Variants in DIAPH2 observed in about 807,000 individuals in gnomAD.
DIAPH2 encodes diaphanous related formin 2.
In DIAPH2, 35 loss-of-function variants were observed where a neutral mutation model predicts 92.7. The observed-to-expected ratio is 0.38, with a 90% CI of 0.29 to 0.50. The LOEUF (loss-of-function observed/expected upper bound fraction) is 0.50. DIAPH2 is among the 20% of genes least tolerant of loss of function. DIAPH2 has a pLI of 0.94. For missense variants in DIAPH2, 701 were observed against 819.5 expected (o/e 0.86, Z 1.77); for synonymous variants, 301 against 280.4 (o/e 1.07, Z -0.73).
chrX:96,751,844 A>G (rs1321383000), intron 3 of DIAPH2, among the ~76,000 whole-genome samples: 31 of 96,602 alleles, frequency 3.2e-4, no homozygotes, highest in African/African-American at 5.0e-4. Context: ...TAGTAGAGAC[A>G]GGGTTTCACC....
chrX:97,275,585 C>G (rs1481638278), intron 23 of DIAPH2, among the ~76,000 whole-genome samples: 2 of 106,861 alleles, frequency 1.9e-5, no homozygotes, highest in African/African-American at 6.8e-5. Context: ...GGCAGAGGGG[C>G]TCCTCACTTC....
chrX:97,196,669 T>A (rs1468331082), intron 22 of DIAPH2, among the ~76,000 whole-genome samples: 1 of 112,323 alleles, frequency 8.9e-6, no homozygotes, highest in African/African-American at 3.2e-5. Flanking sequence ...GAGCCAGGTA[T>A]CACTGTATAG....
chrX:97,452,826 G>C (rs1332138667), intron 26 of DIAPH2, among the ~76,000 whole-genome samples: 2 of 112,237 alleles, frequency 1.8e-5, no homozygotes, highest in African/African-American at 6.5e-5. Context: ...CGTCAGTAAA[G>C]ATTTCTAGAA....
chrX:96,739,493 A>G (rs1332535448), intron 3 of DIAPH2, among the ~76,000 whole-genome samples: 1 of 111,543 alleles, frequency 9.0e-6, no homozygotes, highest in Non-Finnish European at 1.9e-5. Flanking sequence ...TGTCCACAGG[A>G]GTTTCAAAGG....
chrX:97,305,383 C>T (rs1459642435), intron 23 of DIAPH2, among the ~76,000 whole-genome samples: 2 of 110,705 alleles, frequency 1.8e-5, no homozygotes, highest in South Asian at 3.9e-4. Flanking sequence ...ATCCCAGCTA[C>T]TTAGGAAGCT....
chrX:96,928,233 T>C (rs1451081461), intron 9 of DIAPH2, among the ~76,000 whole-genome samples: 1 of 111,334 alleles, frequency 9.0e-6, no homozygotes, highest in Non-Finnish European at 1.9e-5. Flanking sequence ...ACAGTAATAC[T>C]AATCTTGTGT....
intron 26 of DIAPH2, among the ~76,000 whole-genome samples, chrX:97,482,358 G>A (rs984997230): frequency 4.4e-5 from 5 of 112,579 alleles, no homozygotes; most frequent in Admixed American, 9.4e-5. Context: ...TAAACAGCCC[G>A]AATGAATAAG....
chrX:97,135,689 T>C (rs187708324), intron 21 of DIAPH2, among the ~76,000 whole-genome samples: 40 of 111,548 alleles, frequency 3.6e-4, no homozygotes, highest in African/African-American at 1.1e-3. Flanking sequence ...CCAACACCTA[T>C]TGAGTGTGGG....
intron 22 of DIAPH2, among the ~76,000 whole-genome samples, chrX:97,214,098 G>T (rs2067862554): frequency 8.9e-6 from 1 of 111,912 alleles, no homozygotes; most frequent in South Asian, 3.7e-4. Context: ...ATATACTAGG[G>T]AGTAGCTAGT....
At chrX:96,763,535 A>C (rs1036219136) in intron 4 of DIAPH2, among the ~76,000 whole-genome samples, 3 of 111,572 alleles carry the variant, frequency 2.7e-5, no homozygotes, top group Non-Finnish European at 5.7e-5. Flanking sequence ...AGTAATGAAA[A>C]CAACCCTTTC....
chrX:97,533,204 G>A (rs1250034729), intron 26 of DIAPH2: 1 of 111,101 alleles, frequency 9.0e-6, no homozygotes, highest in Non-Finnish European at 1.9e-5. Flanking sequence ...GATTATTCTT[G>A]TAGGTAACAA....
At chrX:97,415,915 C>T (rs2069941160) in intron 25 of DIAPH2, among the ~76,000 whole-genome samples, 2 of 111,451 alleles carry the variant, frequency 1.8e-5, no homozygotes, top group Admixed American at 9.6e-5. Flanking sequence ...GAACTAGAAG[C>T]TTTGAAACTG....
intron 15 of DIAPH2, among the ~76,000 whole-genome samples, chrX:96,955,966 G>T: frequency 8.9e-6 from 1 of 112,585 alleles, no homozygotes; most frequent in East Asian, 2.8e-4. Context: ...TCTTCTCACA[G>T]CTCCACTAGG....
At chrX:96,869,990 T>C (rs935585840) in intron 4 of DIAPH2, among the ~76,000 whole-genome samples, 1 of 110,766 alleles carries the variant, frequency 9.0e-6, no homozygotes, top group Non-Finnish European at 1.9e-5. Flanking sequence ...TTTCCCTTTT[T>C]GTTATAATCC....
intron 4 of DIAPH2, among the ~76,000 whole-genome samples, chrX:96,768,075 C>G (rs2064315352): frequency 9.0e-6 from 1 of 111,579 alleles, no homozygotes; most frequent in Non-Finnish European, 1.9e-5. Flanking sequence ...TATTTAGTAA[C>G]AATGCATGAA....
intron 22 of DIAPH2, among the ~76,000 whole-genome samples, chrX:97,178,152 T>A (rs1047383959): frequency 4.5e-5 from 5 of 110,262 alleles, no homozygotes; most frequent in African/African-American, 1.6e-4. Context: ...TGCAGGAGGA[T>A]CTCTTGAGCC....
intron 22 of DIAPH2, among the ~76,000 whole-genome samples, chrX:97,223,635 A>G (rs891403911): frequency 1.8e-5 from 2 of 111,330 alleles, no homozygotes; most frequent in African/African-American, 6.5e-5. Flanking sequence ...CTAATTTTCT[A>G]TATTTCTAAT....
chrX:96,883,283 C>T (rs979208366), intron 5 of DIAPH2, among the ~76,000 whole-genome samples: 3 of 111,185 alleles, frequency 2.7e-5, no homozygotes, highest in Non-Finnish European at 5.7e-5. Flanking sequence ...TTTTAAAAGC[C>T]AGTGTTAAGA....
At chrX:97,160,025 A>G (rs1336859224) in intron 22 of DIAPH2, among the ~76,000 whole-genome samples, 1 of 93,191 alleles carries the variant, frequency 1.1e-5, no homozygotes, top group East Asian at 3.7e-4. Flanking sequence ...AATGGGAGGA[A>G]TTCTCAAGCC....
Sources: allele counts gnomAD v4.1 joint callset (sites outside exome capture counted in the v4.1 genomes callset), GRCh38; gene constraint gnomAD v4.1.1; transcripts MANE v1.5; gene names NCBI Gene and HGNC (gene_info 2026-07-23, HGNC 2026-07-21).